RYR2: variants seen among roughly 807,000 people sequenced by gnomAD.
RYR2 encodes the protein cardiac muscle ryanodine receptor-calcium release channel.
Under a neutral mutation model 601.1 loss-of-function variants are expected in RYR2, and 227 were observed. The observed-to-expected ratio is 0.38, with a 90% confidence interval of 0.34 to 0.42. The LOEUF is 0.42. Among genes scored for constraint, RYR2 ranks in the 10% least tolerant of loss-of-function variants. The pLI is 1.00. For missense variants in RYR2, 4,646 were observed against 6,156.5 expected, an observed-to-expected ratio of 0.75 and a Z score of 8.21; for synonymous variants, 2,223 against 2,175.1, an observed-to-expected ratio of 1.02 and a Z score of -0.61.
At chr1:237,490,637 C>T (rs2150407503) in intron 17 of RYR2, among the ~76,000 whole-genome samples, 1 of 152,288 alleles carries the variant, frequency 6.6e-6, no homozygotes, top group East Asian at 1.9e-4. Flanking sequence ...TGTTGGAACA[C>T]AGCAGCTGAT....
At chr1:237,540,499 G>T (rs1669140776) in intron 25 of RYR2, among the ~76,000 whole-genome samples, 1 of 151,998 alleles carries the variant, frequency 6.6e-6, no homozygotes, top group Non-Finnish European at 1.5e-5. Context: ...CTGAGGTCAG[G>T]GGTTCGAGAC....
chr1:237,536,790 G>C (rs1199125795), intron 25 of RYR2, among the ~76,000 whole-genome samples: 4 of 149,836 alleles, frequency 2.7e-5, no homozygotes, highest in Non-Finnish European at 5.9e-5. Flanking sequence ...GGAGGCTGAG[G>C]CAGGAGAATG....
intron 1 of RYR2, among the ~76,000 whole-genome samples, chr1:237,233,279 G>T (rs1393068357): frequency 6.6e-6 from 1 of 152,140 alleles, no homozygotes; most frequent in Admixed American, 6.5e-5. Flanking sequence ...TGTTTATACT[G>T]CAAGAAACAC....
intron 44 of RYR2, among the ~76,000 whole-genome samples, 180 bp downstream of exon 44, chr1:237,635,172 A>C (rs1168975025): frequency 1.3e-5 from 2 of 152,226 alleles, no homozygotes; most frequent in Non-Finnish European, 2.9e-5. Context: ...TTAGAATTAA[A>C]GTACATTATA....
chr1:237,248,885 C>T (rs1403642279), intron 1 of RYR2, among the ~76,000 whole-genome samples: 4 of 151,876 alleles, frequency 2.6e-5, no homozygotes, highest in African/African-American at 9.7e-5. Context: ...CCTCAGCCTC[C>T]TGAGTAGCTG....
Position 237,707,140 on chromosome 1 carries a change from C to G in RYR2, c.9772C>G (p.Pro3258Ala), listed in dbSNP as rs368028300. 1 of 1,613,700 alleles carries G rather than the reference C, an allele frequency of 6.2e-7. No homozygotes were observed. The part of the protein sequence containing the change: ...RWWEHGPENN[P>A]ERAEMCCTAL... ...GTGGGAGCATGGACCTGAGAACAAT[C>G]CAGAACGGGCCGAGATGTGCTGCAC... The change falls in exon 68 of 105, where the codon CCA becomes GCA. Residue 3258 changes from proline to alanine, a missense_variant. By Grantham distance (27) the Pro-to-Ala change is conservative. Transcript: ENST00000366574.
chr1:237,086,079 C>A (rs762154176), intron 1 of RYR2, among the ~76,000 whole-genome samples: 2 of 152,248 alleles, frequency 1.3e-5, no homozygotes, highest in Non-Finnish European at 2.9e-5. Flanking sequence ...TAGCCTAAGG[C>A]ATGCTCTGTT....
In RYR2 at chr1:237,705,297, T is replaced by A; in HGVS notation, c.9534T>A (p.His3178Gln). Residue 3178 changes from histidine (H) to glutamine (Q), a missense_variant, in exon 67 of 105, where the codon CAT (histidine) becomes CAA (glutamine). By Grantham distance (24) the His-to-Gln change is conservative (BLOSUM62 0). Transcript: ENST00000366574. Reference sequence around the variant, plus strand: ...TTTTGGAAACTCATCTGGACAAACATAATATTTACTCCATCTACAATACCA... The same window carrying A: ...TTTTGGAAACTCATCTGGACAAACAAAATATTTACTCCATCTACAATACCA... ...VAFLETHLDK[H>Q]NIYSIYNTKS... The A allele has an allele frequency of 6.2e-7, 1 of 1,604,396 alleles. No homozygotes were observed. The highest frequency in any genetic ancestry group is 1.1e-5 in the South Asian group (1 of 89,312).
intron 1 of RYR2, among the ~76,000 whole-genome samples, chr1:237,117,556 T>C (rs920323866): frequency 1.3e-5 from 2 of 152,056 alleles, no homozygotes; most frequent in African/African-American, 4.8e-5. Flanking sequence ...TTAGGAGGAG[T>C]TAGAGTCCAT....
chr1:237,809,733 A>C (rs1661056694), intron 100 of RYR2, among the ~76,000 whole-genome samples: 1 of 152,134 alleles, frequency 6.6e-6, no homozygotes, highest in African/African-American at 2.4e-5. Context: ...TGATATAATG[A>C]TACATAAATT....
At chr1:237,695,491 C>G (rs1687340405) in intron 63 of RYR2, among the ~76,000 whole-genome samples, 1 of 152,052 alleles carries the variant, frequency 6.6e-6, no homozygotes, top group Admixed American at 6.6e-5. Flanking sequence ...GGTTTTTTCA[C>G]CACCCAGAGC....
intron 29 of RYR2, among the ~76,000 whole-genome samples, chr1:237,586,314 C>T (rs2779423): frequency 0.88 from 134,294 of 152,216 alleles, 61,633 homozygotes; most frequent in East Asian, 1. Context: ...GTATGTATCA[C>T]AGTTAATTAT....
intron 1 of RYR2, among the ~76,000 whole-genome samples, chr1:237,101,943 G>C (rs117045905): frequency 4.6e-5 from 7 of 152,182 alleles, no homozygotes; most frequent in African/African-American, 1.7e-4. Flanking sequence ...AAGTGTATTC[G>C]TAAAACGTGA....
chr1:237,680,341 A>C (rs1685762838), intron 61 of RYR2, 115 bp from the exon 62 acceptor site: 1 of 740,800 alleles, frequency 1.3e-6, no homozygotes, highest in African/African-American at 1.7e-5. Context: ...CCTGGCATGG[A>C]CATAAGGAGA....
In RYR2 at chr1:237,809,006, C is replaced by T. The variant is rs759154656; in HGVS notation, c.14404C>T (p.Pro4802Ser). Reference sequence around the variant, plus strand: ...CAATAAAAGTGAAGATGGTGATACACCAGATATGAAATGTGACGATATGCT... The same window carrying T: ...CAATAAAAGTGAAGATGGTGATACATCAGATATGAAATGTGACGATATGCT... The part of the protein sequence containing the change: ...FYNKSEDGDT[P>S]DMKCDDMLTC... Residue 4802 changes from proline to serine, a missense_variant, in exon 100 of 105, where the codon CCA (proline) becomes TCA (serine). Pro to Ser is a moderately conservative substitution (Grantham distance 74). Around this residue, in one of 17 missense-constraint regions of RYR2, gnomAD observed 21 missense variants for 24.8 expected, o/e 0.85. Transcript: ENST00000366574. The T allele has an allele frequency of 6.2e-7, 1 of 1,613,184 alleles. No individual in the cohort carries two copies. Among genetic ancestry groups the T allele is most frequent in the East Asian group, 2.2e-5 (1 of 44,868 alleles).
chr1:237,230,088 C>T (rs1025523993), intron 1 of RYR2, among the ~76,000 whole-genome samples: 4 of 152,026 alleles, frequency 2.6e-5, no homozygotes, highest in Non-Finnish European at 5.9e-5. Flanking sequence ...GGAAATAGTA[C>T]GTTACCCTAA....
chr1:237,366,335 C>T (rs979473559), intron 5 of RYR2, among the ~76,000 whole-genome samples: 2 of 152,202 alleles, frequency 1.3e-5, no homozygotes, highest in African/African-American at 4.8e-5. Flanking sequence ...GCACCTTTAT[C>T]TTCAACTGAG....
At chr1:237,815,141 C>G (rs1285971034) in intron 100 of RYR2, among the ~76,000 whole-genome samples, 1 of 152,016 alleles carries the variant, frequency 6.6e-6, no homozygotes, top group East Asian at 1.9e-4. Context: ...TCAACAACTT[C>G]CTCTTCTAAA....
At chr1:237,427,901 AGT>A (rs1228620494) in intron 12 of RYR2, among the ~76,000 whole-genome samples, 6 of 151,858 alleles carry the variant, frequency 4.0e-5, no homozygotes, top group Admixed American at 2.0e-4. Flanking sequence ...GGTATTGAAG[AGT>A]GCAAGATAGT....
Sources: allele counts gnomAD v4.1 joint callset (sites outside exome capture counted in the v4.1 genomes callset), GRCh38; gene constraint gnomAD v4.1.1; regional missense constraint gnomAD v4.1.1; transcripts MANE v1.5; gene names NCBI Gene and HGNC (gene_info 2026-07-23, HGNC 2026-07-21).